The following UBAC2 variants were observed in gnomAD, a reference collection of about 807,000 sequenced individuals.
The protein encoded by UBAC2 is ubiquitin-associated domain-containing protein 2.
A neutral mutation model predicts 44.0 loss-of-function variants in UBAC2; 26 were observed. That is an observed-to-expected ratio of 0.59 (90% CI 0.43 to 0.82). The LOEUF (loss-of-function observed/expected upper bound fraction) is 0.82, where lower values mean the gene tolerates loss of function less well. Among genes scored for constraint, UBAC2 ranks in the 40% least tolerant of loss-of-function variants. The probability of loss-of-function intolerance (pLI) is 0.00; values close to 1 mark genes in which losing one functional copy is unlikely to be tolerated. For synonymous variants in UBAC2, 155 were observed against 154.3 expected, an observed-to-expected ratio of 1.00 and a Z score of -0.04; for missense variants, 329 against 419.4, an observed-to-expected ratio of 0.78 and a Z score of 1.88.
At chr13:99,374,568 G>A (rs1247303847) in intron 8 of UBAC2, among the ~76,000 whole-genome samples, 1 of 152,172 alleles carries the variant, frequency 6.6e-6, no homozygotes, top group Non-Finnish European at 1.5e-5. Flanking sequence ...AATGTATTTA[G>A]TATTAGAGAA....
chr13:99,309,672 C>T (rs982021291), intron 4 of UBAC2, among the ~76,000 whole-genome samples: 1 of 152,164 alleles, frequency 6.6e-6, no homozygotes, highest in Non-Finnish European at 1.5e-5. Context: ...ACGATCTTGG[C>T]TCACTGCAAC....
Position 99,322,675 on chromosome 13 carries a change from G to GA in UBAC2, c.561+4614dup, listed in dbSNP as rs560325932. 4.6e-5 allele frequency among the ~76,000 whole-genome samples: 7 copies of GA among 151,830 alleles called. No individual in the cohort carries two copies. The East Asian group carries it at 5.8e-4, about 13-fold the overall frequency. On this transcript the variant is annotated intron_variant, in intron 6 of 8. Transcript: ENST00000403766. ...TCTCTGATCCAGCAGCCTTAGTGTGGAAAAAAAACAATCTGTTACACCCAA... is the reference window on the plus strand; with the variant it reads ...TCTCTGATCCAGCAGCCTTAGTGTGGAAAAAAAAACAATCTGTTACACCCAA...
intron 8 of UBAC2, among the ~76,000 whole-genome samples, chr13:99,368,349 A>C (rs1169349772): frequency 6.6e-6 from 1 of 152,268 alleles, no homozygotes; most frequent in Non-Finnish European, 1.5e-5. Context: ...AAAAGAAACA[A>C]ACAAATGCTC....
At chr13:99,333,109 A>AAG (rs950599480) in intron 6 of UBAC2, among the ~76,000 whole-genome samples, 5 of 152,188 alleles carry the variant, frequency 3.3e-5, no homozygotes, top group African/African-American at 4.8e-5. Context: ...GGGGGGAAGA[A>AAG]AGAGAGAGAT....
chr13:99,380,634 C>T (rs1037613096), intron 8 of UBAC2, among the ~76,000 whole-genome samples: 4 of 152,208 alleles, frequency 2.6e-5, no homozygotes, highest in African/African-American at 4.8e-5. Context: ...ATCCCCTGAC[C>T]CTTCTCGTCC....
intron 6 of UBAC2, among the ~76,000 whole-genome samples, chr13:99,335,479 C>A (rs1429109676): frequency 1.3e-5 from 2 of 151,974 alleles, no homozygotes; most frequent in African/African-American, 4.8e-5. Flanking sequence ...TCCCCCATCA[C>A]CCCTCTACAG....
intron 3 of UBAC2, 27 bp downstream of exon 3, chr13:99,243,978 C>T: frequency 5.4e-6 from 8 of 1,484,630 alleles, no homozygotes; most frequent in Non-Finnish European, 6.2e-6. Context: ...TTTGTCTTTG[C>T]TACTTAGGCT....
chr13:99,251,761 T>A (rs1274436801), intron 4 of UBAC2, among the ~76,000 whole-genome samples: 1 of 152,212 alleles, frequency 6.6e-6, no homozygotes, highest in East Asian at 1.9e-4. Context: ...TTACTAGTTA[T>A]GTGAAATCTT....
chr13:99,219,399 A>G (rs1459674432), intron 1 of UBAC2, among the ~76,000 whole-genome samples: 2 of 152,220 alleles, frequency 1.3e-5, no homozygotes, highest in Non-Finnish European at 2.9e-5. Flanking sequence ...GTACATTTAC[A>G]TTGTTGTGCA....
intron 8 of UBAC2, among the ~76,000 whole-genome samples, chr13:99,376,235 C>T (rs530836582): frequency 6.0e-4 from 91 of 152,276 alleles, no homozygotes; most frequent in African/African-American, 1.3e-3. Context: ...TGACAGTGCT[C>T]TTGTGGCAAC....
intron 7 of UBAC2, among the ~76,000 whole-genome samples, chr13:99,354,683 G>A (rs1825357004): frequency 6.6e-6 from 1 of 151,804 alleles, no homozygotes; most frequent in Non-Finnish European, 1.5e-5. Context: ...TTACGATGGG[G>A]CTGGTTTGGG....
rs1013840651 is a variant in UBAC2, at chr13:99,359,123, G to C, written c.808-8664G>C. 5.3e-5 allele frequency among the ~76,000 whole-genome samples: 8 copies of C among 152,304 alleles called. No individual in the cohort carries two copies. In the East Asian group the frequency reaches 1.5e-3, roughly 29 times the overall value. ...GACACTGAGAAGGCGTAGCTAGAGGGCTAGAAAGAAAGCGGGATGCCACAA... is the reference window on the plus strand; with the variant it reads ...GACACTGAGAAGGCGTAGCTAGAGGCCTAGAAAGAAAGCGGGATGCCACAA... On this transcript the variant is annotated intron_variant, in intron 7 of 8. Coordinates refer to ENST00000403766, the MANE Select transcript of UBAC2 (RefSeq NM_001144072.2).
intron 7 of UBAC2, among the ~76,000 whole-genome samples, chr13:99,340,867 T>C (rs1229759986): frequency 1.3e-5 from 2 of 152,214 alleles, no homozygotes; most frequent in Non-Finnish European, 2.9e-5. Flanking sequence ...ATTTATCTGT[T>C]TTTATAATCT....
chr13:99,380,011 G>A (rs1054088169), intron 8 of UBAC2, among the ~76,000 whole-genome samples: 1 of 152,176 alleles, frequency 6.6e-6, no homozygotes, highest in African/African-American at 2.4e-5. Flanking sequence ...TGGGGGAGTC[G>A]GGGCATGTGC....
intron 6 of UBAC2, among the ~76,000 whole-genome samples, chr13:99,336,464 A>G (rs536649010): frequency 7.9e-4 from 120 of 152,292 alleles, no homozygotes; most frequent in African/African-American, 2.8e-3. Context: ...AATTTCATGA[A>G]TTCTATTTGA....
At chr13:99,367,100 G>A (rs1256337018) in intron 7 of UBAC2, among the ~76,000 whole-genome samples, 1 of 152,028 alleles carries the variant, frequency 6.6e-6, no homozygotes, top group Non-Finnish European at 1.5e-5. Context: ...CTTCTTTTTT[G>A]TTGGTGACAT....
At chr13:99,242,545 G>A (rs1193015233) in intron 2 of UBAC2, among the ~76,000 whole-genome samples, 3 of 129,728 alleles carry the variant, frequency 2.3e-5, no homozygotes, top group Non-Finnish European at 3.3e-5. Context: ...GCGGCTGTCC[G>A]GGCAGAGGGG....
At chr13:99,359,999 A>G (rs922760594) in intron 7 of UBAC2, among the ~76,000 whole-genome samples, 1 of 152,236 alleles carries the variant, frequency 6.6e-6, no homozygotes, top group African/African-American at 2.4e-5. Context: ...ATTTGTTTCC[A>G]ATGGCCAACA....
intron 6 of UBAC2, among the ~76,000 whole-genome samples, chr13:99,339,375 T>C (rs2044850235): frequency 6.6e-6 from 1 of 152,202 alleles, no homozygotes; most frequent in African/African-American, 2.4e-5. Context: ...CAGAAATAGT[T>C]TTATGTGTTG....
Sources: gnomAD v4.1 joint callset for allele counts (sites outside exome capture counted in the v4.1 genomes callset) on GRCh38, gnomAD v4.1.1 for gene constraint, MANE v1.5 for transcripts, NCBI Gene and HGNC (gene_info 2026-07-23, HGNC 2026-07-21) for gene names.